CD44: variants seen among roughly 807,000 people sequenced by gnomAD.
CD44 encodes CD44 molecule (IN blood group).
CD44 carries 49 observed loss-of-function variants against 88.8 expected under a neutral mutation model. The ratio of observed to expected loss-of-function variants is 0.55; its 90% CI spans 0.44 to 0.70. The LOEUF (loss-of-function observed/expected upper bound fraction) is 0.70. CD44 is among the 30% of genes least tolerant of loss of function. CD44 has a pLI of 0.00. For missense variants in CD44, 883 were observed against 913.8 expected, an observed-to-expected ratio of 0.97 and a Z score of 0.43; for synonymous variants, 325 against 312.3, an observed-to-expected ratio of 1.04 and a Z score of -0.43.
At chr11:35,192,705 C>T (rs1030032081) in intron 5 of CD44, among the ~76,000 whole-genome samples, 1 of 151,510 alleles carries the variant, frequency 6.6e-6, no homozygotes, top group Non-Finnish European at 1.5e-5. Context: ...TCTCTGGGAT[C>T]AAGAAACCTA....
chr11:35,139,232 C>T lies in CD44; in HGVS notation c.-72C>T. 4.0e-6 allele frequency: 5 copies of T among 1,265,506 alleles called. No individual in the cohort carries two copies. In the South Asian group the frequency reaches 5.1e-5, roughly 13 times the overall value. The allele number at this position is 1,265,506 out of a possible 1,614,324, so 78.4% of individuals were successfully genotyped here. A position where few individuals can be genotyped will look rare whatever the true frequency, so the allele number is the denominator to read the frequency against. ...GGTCCGCCATCCTCGTCCCGTCCTC[C>T]GCCGGCCCCTGCCCCGCGCCCAGGG... On this transcript the variant is annotated 5_prime_UTR_variant, in exon 1 of 18. Transcript: ENST00000428726.
chr11:35,169,569 A>G (rs1206542579), intron 1 of CD44, among the ~76,000 whole-genome samples: 1 of 152,174 alleles, frequency 6.6e-6, no homozygotes. Context: ...ACCTCTCAGG[A>G]AAGTTTGGGA....
At chr11:35,182,286 G>A (rs929787406) in intron 3 of CD44, among the ~76,000 whole-genome samples, 2 of 151,914 alleles carry the variant, frequency 1.3e-5, no homozygotes, top group African/African-American at 2.4e-5. Flanking sequence ...TGTGTGAACA[G>A]TAGGGATCAG....
chr11:35,157,481 A>G (rs1002628015), intron 1 of CD44, among the ~76,000 whole-genome samples: 2 of 152,000 alleles, frequency 1.3e-5, no homozygotes, highest in African/African-American at 2.4e-5. Flanking sequence ...CCATATATCT[A>G]TCTCTATCTC....
At chr11:35,157,760 C>T (rs1243008288) in intron 1 of CD44, among the ~76,000 whole-genome samples, 1 of 152,262 alleles carries the variant, frequency 6.6e-6, no homozygotes, top group African/African-American at 2.4e-5. Flanking sequence ...AAGCTGAACA[C>T]ATGCAACATC....
intron 8 of CD44, 152 bp downstream of exon 8, chr11:35,201,347 A>G: frequency 1.5e-6 from 1 of 655,932 alleles, no homozygotes; most frequent in South Asian, 1.8e-5. Flanking sequence ...AATTCCATTT[A>G]GGAGTCATTT....
At chr11:35,201,622 A>T (rs1188362048) in intron 8 of CD44, 49 bp from the exon 9 acceptor site, 1 of 1,607,696 alleles carries the variant, frequency 6.2e-7, no homozygotes, top group Non-Finnish European at 8.5e-7. Flanking sequence ...AGAATCATTA[A>T]AGATTGGTTG....
intron 9 of CD44, 131 bp downstream of exon 9, chr11:35,201,918 C>T: frequency 1.0e-6 from 1 of 987,966 alleles, no homozygotes; most frequent in South Asian, 1.7e-5. Flanking sequence ...ATTCTTAGAG[C>T]CTGAAAAGCT....
At chr11:35,156,917 C>A (rs1339887127) in intron 1 of CD44, among the ~76,000 whole-genome samples, 2 of 152,076 alleles carry the variant, frequency 1.3e-5, no homozygotes, top group Non-Finnish European at 2.9e-5. Context: ...ACCTGTAGTC[C>A]CAGCTGCTCA....
At chr11:35,194,702 A>C (rs1487637111) in intron 5 of CD44, among the ~76,000 whole-genome samples, 1 of 152,156 alleles carries the variant, frequency 6.6e-6, no homozygotes, top group South Asian at 2.1e-4. Context: ...GGATCTGGGG[A>C]TATGATTGAT....
At chr11:35,204,672 G>T (rs1947655454) in intron 10 of CD44, 32 bp downstream of exon 10, 1 of 1,604,482 alleles carries the variant, frequency 6.2e-7, no homozygotes, top group Non-Finnish European at 8.5e-7. Flanking sequence ...AAATTTGGAT[G>T]GAAACTTCCT....
At chr11:35,186,384 C>G (rs898483086) in intron 3 of CD44, among the ~76,000 whole-genome samples, 2 of 152,028 alleles carry the variant, frequency 1.3e-5, no homozygotes, top group African/African-American at 4.8e-5. Flanking sequence ...TGTGGACTTC[C>G]CAGATTATAA....
intron 1 of CD44, among the ~76,000 whole-genome samples, chr11:35,172,635 G>A (rs1944031330): frequency 6.6e-6 from 1 of 152,040 alleles, no homozygotes; most frequent in South Asian, 2.1e-4. Flanking sequence ...ATTTCTTTGG[G>A]ACATTGTCCT....
In CD44 at chr11:35,229,563, T is replaced by C. The variant is rs976234509; in HGVS notation, c.*230T>C. ...GGGCCCAATTAATAATCAGCAAGAA[T>C]TTGATCGTTCCAGTTCCCACTTGGA... On this transcript the variant is annotated 3_prime_UTR_variant, in exon 18 of 18. Transcript: ENST00000428726. 1.9e-6 allele frequency: 1 copy of C among 525,678 alleles called. No homozygotes were observed. The highest frequency in any genetic ancestry group is 3.4e-6 in the Non-Finnish European group (1 of 294,230). The allele number at this position is 525,678 out of a possible 1,614,324, so 32.6% of individuals were successfully genotyped here.
chr11:35,214,001 A>C (rs1459129429), intron 14 of CD44: 1 of 152,058 alleles, frequency 6.6e-6, no homozygotes, highest in Non-Finnish European at 1.5e-5. Context: ...TGTGATTAAA[A>C]AAAAAAAAAG....
intron 11 of CD44, among the ~76,000 whole-genome samples, chr11:35,206,628 C>A (rs918158609): frequency 6.8e-6 from 1 of 146,748 alleles, no homozygotes; most frequent in Admixed American, 6.8e-5. Flanking sequence ...AATAAAAAAA[C>A]CCTGGATAGT....
intron 1 of CD44, among the ~76,000 whole-genome samples, chr11:35,173,406 G>C (rs1944121469): frequency 6.6e-6 from 1 of 152,222 alleles, no homozygotes; most frequent in Non-Finnish European, 1.5e-5. Context: ...AAATAGTATT[G>C]CAAAAGGGCC....
At chr11:35,179,395 T>G (rs753423390) in intron 2 of CD44, among the ~76,000 whole-genome samples, 84 of 152,194 alleles carry the variant, frequency 5.5e-4, no homozygotes, top group Non-Finnish European at 1.3e-4. Flanking sequence ...AAAAATTGTG[T>G]TTTTAGCACA....
chr11:35,216,097 G>A (rs1948811544), intron 15 of CD44, among the ~76,000 whole-genome samples: 1 of 151,606 alleles, frequency 6.6e-6, no homozygotes, highest in South Asian at 2.1e-4. Flanking sequence ...AGCCTGGAGG[G>A]CCTTGTATTA....
Sources: gnomAD v4.1 joint callset for allele counts (sites outside exome capture counted in the v4.1 genomes callset) on GRCh38, gnomAD v4.1.1 for gene constraint, MANE v1.5 for transcripts, NCBI Gene and HGNC (gene_info 2026-07-23, HGNC 2026-07-21) for gene names.